The following ECM2 variants were observed in gnomAD, a reference collection of about 807,000 sequenced individuals.
ECM2 encodes the protein extracellular matrix protein 2, also known as extracellular matrix protein 2, female organ and adipocyte specific.
Under a neutral mutation model 67.5 loss-of-function variants are expected in ECM2, and 57 were observed. The observed-to-expected ratio is 0.84, with a 90% CI of 0.68 to 1.05. ECM2 has a LOEUF of 1.05. ECM2 is among the 50% of genes least tolerant of loss of function. The pLI is 0.00. For missense variants in ECM2, 741 were observed against 822.8 expected (o/e 0.90, Z 1.22); for synonymous variants, 258 against 294.5 (o/e 0.88, Z 1.27).
chr9:92,552,626 G>A, the ECM2 span, among the ~76,000 whole-genome samples: 1 of 152,046 alleles, frequency 6.6e-6, no homozygotes, highest in Non-Finnish European at 1.5e-5. Flanking sequence ...TATGTTTGTT[G>A]GCCATTTGTG....
chr9:92,514,652 T>C lies in ECM2; in HGVS notation c.1033A>G (p.Ile345Val). The change falls in exon 4 of 10, where the codon ATA (isoleucine) becomes GTA (valine). Residue 345 changes from isoleucine (I) to valine (V), a missense_variant. By Grantham distance (29) the Ile-to-Val change is conservative (BLOSUM62 3). Transcript: ENST00000344604. ...TQIPPLTAPQ[I>V]TSLELTGNSI... ...TTACCAGTGAGCTCCAGACTTGTTA[T>C]CTGTGGTGCTGTCAGCGGTGGTATC... 1 of 1,587,938 alleles carries C rather than the reference T, an allele frequency of 6.3e-7. No individual in the cohort carries two copies. The highest frequency in any genetic ancestry group is 1.1e-5 in the South Asian group (1 of 87,984).
At chr9:92,535,157 A>G (rs1390172536) in intron 1 of ECM2, among the ~76,000 whole-genome samples, 8 of 152,220 alleles carry the variant, frequency 5.3e-5, no homozygotes, top group South Asian at 4.1e-4. Flanking sequence ...AGGCACAGAA[A>G]TAAACTTACA....
intron 6 of ECM2, among the ~76,000 whole-genome samples, chr9:92,506,742 G>A (rs189057451): frequency 1.3e-5 from 2 of 152,256 alleles, no homozygotes; most frequent in Non-Finnish European, 1.5e-5. Flanking sequence ...AGAAGTAGGA[G>A]GAACTTCCAA....
At chr9:92,536,005 G>A (rs766279893), upstream of ECM2, 3 of 511,948 alleles carry the variant, frequency 5.9e-6, no homozygotes, top group Non-Finnish European at 7.8e-6. Context: ...CAAAATCAGA[G>A]CTTTCTTTAA....
the ECM2 span, among the ~76,000 whole-genome samples, chr9:92,557,472 G>A: frequency 1.3e-5 from 2 of 152,080 alleles, no homozygotes; most frequent in African/African-American, 4.8e-5. Context: ...CTTAGGTTTG[G>A]TCGTTTAACA....
Position 92,516,799 on chromosome 9 carries a change from A to G in ECM2, c.481+888T>C, listed in dbSNP as rs1363289415. On this transcript the variant is annotated intron_variant, in intron 3 of 9. Coordinates refer to ENST00000344604, the MANE Select transcript of ECM2 (RefSeq NM_001393.4). ...CTAACTCTTTTTAAATATTAGTGAA[A>G]TATTTGGTAGTATAACGCAAAACAC... 4.6e-5 allele frequency: 7 copies of G among 152,290 alleles called. No individual in the cohort carries two copies. In the East Asian group the frequency reaches 1.4e-3, roughly 29 times the overall value. 9.4% of individuals were successfully genotyped at this position (152,290 alleles called of 1,614,324 possible).
At chr9:92,540,193 C>T (rs1360772048), upstream of ECM2, among the ~76,000 whole-genome samples, 4 of 152,208 alleles carry the variant, frequency 2.6e-5, no homozygotes, top group African/African-American at 9.7e-5. Context: ...AATCCCTGCA[C>T]TTCGGGAGGC....
upstream of ECM2, among the ~76,000 whole-genome samples, chr9:92,538,312 A>G (rs1849237951): frequency 6.6e-6 from 1 of 152,234 alleles, no homozygotes; most frequent in Non-Finnish European, 1.5e-5. Flanking sequence ...TCAAAACTGT[A>G]CATGTATTAT....
the ECM2 span, among the ~76,000 whole-genome samples, chr9:92,552,814 TC>T: frequency 6.6e-6 from 1 of 152,208 alleles, no homozygotes; most frequent in Non-Finnish European, 1.5e-5. Flanking sequence ...TGCTGACTGT[TC>T]CTTTTGCCGT....
intron 7 of ECM2, among the ~76,000 whole-genome samples, chr9:92,504,018 C>A (rs1846844593): frequency 6.6e-6 from 1 of 152,180 alleles, no homozygotes; most frequent in Non-Finnish European, 1.5e-5. Flanking sequence ...GGAGTGGATC[C>A]CTCTGGAGAG....
the ECM2 span, among the ~76,000 whole-genome samples, chr9:92,552,368 G>A: frequency 6.6e-6 from 1 of 152,078 alleles, no homozygotes; most frequent in Admixed American, 6.6e-5. Flanking sequence ...CCAGTAGTGG[G>A]ACTGCTGGAT....
At chr9:92,510,200 A>G (rs577234516) in intron 5 of ECM2, among the ~76,000 whole-genome samples, 166 bp from the exon 6 acceptor site, 1 of 152,328 alleles carries the variant, frequency 6.6e-6, no homozygotes, top group African/African-American at 2.4e-5. Context: ...CCAGGTTGAT[A>G]TTGATCCTGG....
In ECM2 at chr9:92,522,643, C is replaced by T. The variant is rs1219926595; in HGVS notation, c.224G>A (p.Ser75Asn). Residue 75 changes from serine (S) to asparagine (N), a missense_variant, in exon 2 of 10, where the codon AGC (serine) becomes AAC (asparagine). Ser to Asn is a conservative substitution (Grantham distance 46, BLOSUM62 1). Coordinates refer to ENST00000344604, the MANE Select transcript of ECM2 (RefSeq NM_001393.4). ...ARLPIVNFDY[S>N]MEEKFESFSS... ...AAAGGATTCAAACTTTTCCTCCATGCTATAATCAAAGTTAACAATAGGAAG... is the reference window on the plus strand; with the variant it reads ...AAAGGATTCAAACTTTTCCTCCATGTTATAATCAAAGTTAACAATAGGAAG... 1.2e-6 allele frequency: 2 copies of T among 1,613,966 alleles called. No individual in the cohort carries two copies. The highest frequency in any genetic ancestry group is 3.3e-5 in the Admixed American group (2 of 60,000).
At chr9:92,516,400 T>G (rs1435344750) in intron 3 of ECM2, among the ~76,000 whole-genome samples, 1 of 152,126 alleles carries the variant, frequency 6.6e-6, no homozygotes, top group Non-Finnish European at 1.5e-5. Flanking sequence ...ATTTAAAAAT[T>G]TACTTAATCA....
chr9:92,514,378 G>A (rs1450004588), intron 4 of ECM2, among the ~76,000 whole-genome samples: 1 of 150,468 alleles, frequency 6.6e-6, no homozygotes, highest in East Asian at 2.0e-4. Flanking sequence ...GGATTCAAAC[G>A]ATTCTCCTGC....
Position 92,502,596 on chromosome 9 carries a change from A to G in ECM2, c.1521T>C (p.His507=). 2.5e-6 allele frequency: 4 copies of G among 1,608,922 alleles called. No homozygotes were observed. The highest frequency in any genetic ancestry group is 3.4e-6 in the Non-Finnish European group (4 of 1,176,246). The change falls in exon 8 of 10, where the codon CAT becomes CAC. Residue 507 remains histidine, a synonymous_variant. Transcript: ENST00000344604. ...GTACAATGACATTGATCTTTCTGGT[A>G]TGATTGAAACAAATTTCAGTTATTT... ...IEEITEICFN[H]TRKINVIVLR...
At position 92,512,190 on chromosome 9, in the gene ECM2, G is replaced by A. The variant is rs1424407994; in HGVS notation, c.1055-64C>T. The A allele has an allele frequency of 8.3e-5, 88 of 1,054,290 alleles. 1 individual carries two copies. In the East Asian group the frequency reaches 2.1e-3, roughly 25 times the overall value. 65.3% of individuals were successfully genotyped at this position (1,054,290 alleles called of 1,614,324 possible). A position where few individuals can be genotyped will look rare whatever the true frequency, so the allele number is the denominator to read the frequency against. On this transcript the variant is annotated intron_variant, in intron 4 of 9. Coordinates refer to ENST00000344604, the MANE Select transcript of ECM2 (RefSeq NM_001393.4). ...TATACATACATGTACACACATGTAT[G>A]GGCATGTGTGCATAGATATCAAGAG...
In ECM2 at chr9:92,495,635, A is replaced by G. The variant is rs1846307802; in HGVS notation, c.*680T>C. 1 of 934,030 alleles carries G rather than the reference A, an allele frequency of 1.1e-6. No homozygotes were observed. Among genetic ancestry groups the G allele is most frequent in the Non-Finnish European group, 1.3e-6 (1 of 783,340 alleles). 57.9% of individuals were successfully genotyped at this position (934,030 alleles called of 1,614,324 possible). A position where few individuals can be genotyped will look rare whatever the true frequency, so the allele number is the denominator to read the frequency against. ...AAAAAATAATTTTAGAATTATAGAAAAGTTTCAAAAAGAGTATAGAATTTA... is the reference window on the plus strand; with the variant it reads ...AAAAAATAATTTTAGAATTATAGAAGAGTTTCAAAAAGAGTATAGAATTTA... On this transcript the variant is annotated 3_prime_UTR_variant, in exon 10 of 10. Coordinates refer to ENST00000344604, the MANE Select transcript of ECM2 (RefSeq NM_001393.4).
chr9:92,539,463 G>A (rs1849267238), upstream of ECM2, among the ~76,000 whole-genome samples: 1 of 151,384 alleles, frequency 6.6e-6, no homozygotes, highest in Non-Finnish European at 1.5e-5. Flanking sequence ...TCTAGTAAGG[G>A]CTCAGCTTAA....
Sources: allele counts gnomAD v4.1 joint callset (sites outside exome capture counted in the v4.1 genomes callset), GRCh38; gene constraint gnomAD v4.1.1; transcripts MANE v1.5; gene names NCBI Gene and HGNC (gene_info 2026-07-23, HGNC 2026-07-21).